The following ZNF493 variants were observed in gnomAD, a reference collection of about 807,000 sequenced individuals.
ZNF493 encodes zinc finger protein 493.
Under a neutral mutation model 12.2 loss-of-function variants are expected in ZNF493, and 11 were observed. That is an observed-to-expected ratio of 0.90 (90% CI 0.57 to 1.50). The LOEUF (loss-of-function observed/expected upper bound fraction) is 1.50. Ranked by LOEUF, ZNF493 falls within the 40% of genes most tolerant of loss-of-function variation. The pLI is 0.00. For synonymous variants in ZNF493, 286 were observed against 302.6 expected, an observed-to-expected ratio of 0.95 and a Z score of 0.57; for missense variants, 950 against 906.6, an observed-to-expected ratio of 1.05 and a Z score of -0.61.
chr19:21,410,105 T>C (rs902511111), intron 3 of ZNF493, among the ~76,000 whole-genome samples: 8 of 148,818 alleles, frequency 5.4e-5, no homozygotes, highest in African/African-American at 2.0e-4. Context: ...ACACTTTTGA[T>C]GTGTTTATAA....
At chr19:21,409,614 A>G (rs11673406) in intron 3 of ZNF493, among the ~76,000 whole-genome samples, 110,250 of 151,876 alleles carry the variant, frequency 0.73, 40,046 homozygotes, top group Middle Eastern at 0.77. Context: ...GCGTGGTGGT[A>G]TGCACCTGTG....
intron 1 of ZNF493, among the ~76,000 whole-genome samples, chr19:21,403,703 T>C (rs1266060033): frequency 2.6e-5 from 4 of 152,218 alleles, no homozygotes; most frequent in Non-Finnish European, 5.9e-5. Context: ...CTGTGTCCAC[T>C]CTGCCTCCTG....
intron 1 of ZNF493, among the ~76,000 whole-genome samples, chr19:21,400,169 T>G (rs1400597922): frequency 6.6e-6 from 1 of 152,224 alleles, no homozygotes; most frequent in South Asian, 2.1e-4. Context: ...CCCAGCACTT[T>G]GGGAGTCTGA....
rs1280446789 is a variant in ZNF493 at position 21,426,059 on chromosome 19, GTTC to G, written c.*1078_*1080del. ...TGGCAAAGGCTTTAACTAGTCCTCA[GTTC>G]TTAACACACATACGATAATTCTTAC... On this transcript the variant is annotated 3_prime_UTR_variant, in exon 4 of 4. Coordinates refer to ENST00000392288, the MANE Select transcript of ZNF493 (RefSeq NM_001076678.3). 4.0e-5 allele frequency: 16 copies of G among 398,194 alleles called. No homozygotes were observed. The highest frequency in any genetic ancestry group is 7.5e-5 in the Non-Finnish European group (15 of 199,230). 24.7% of individuals were successfully genotyped at this position (398,194 alleles called of 1,614,324 possible). A position where few individuals can be genotyped will look rare whatever the true frequency, so the allele number is the denominator to read the frequency against.
chr19:21,414,465 A>G (rs933949007), intron 3 of ZNF493: 3 of 152,260 alleles, frequency 2.0e-5, no homozygotes, highest in East Asian at 1.9e-4. Flanking sequence ...GCAATCGGCC[A>G]TTTGATTCCC....
intron 3 of ZNF493, among the ~76,000 whole-genome samples, chr19:21,414,843 A>G (rs966877560): frequency 2.6e-5 from 4 of 152,204 alleles, no homozygotes; most frequent in African/African-American, 9.6e-5. Context: ...GTTTACATTT[A>G]GTTATTTTAG....
intron 3 of ZNF493, among the ~76,000 whole-genome samples, chr19:21,422,455 A>G (rs1238356006): frequency 2.1e-5 from 2 of 93,654 alleles, no homozygotes; most frequent in East Asian, 2.5e-4. Context: ...TTATTTATTT[A>G]TTTATTTTTA....
Position 21,425,471 on chromosome 19 carries a change from A to T in ZNF493, c.*487A>T. 6.6e-6 allele frequency: 3 copies of T among 456,210 alleles called. No homozygotes were observed. Among genetic ancestry groups the T allele is most frequent in the Non-Finnish European group, 8.6e-6 (2 of 233,320 alleles). The allele number at this position is 456,210 out of a possible 1,614,324, so 28.3% of individuals were successfully genotyped here. A position where few individuals can be genotyped will look rare whatever the true frequency, so the allele number is the denominator to read the frequency against. ...AAGAATGTGGCAAAGCTTTTAACAA[A>T]TCCTCATCCATTAGTAAACATAAGA... On this transcript the variant is annotated 3_prime_UTR_variant, in exon 4 of 4. Transcript: ENST00000392288.
intron 3 of ZNF493, among the ~76,000 whole-genome samples, chr19:21,411,072 G>C (rs2030309724): frequency 6.6e-6 from 1 of 152,116 alleles, no homozygotes; most frequent in South Asian, 2.1e-4. Context: ...TTACAGACAT[G>C]AGCCACCACC....
chr19:21,406,018 C>T (rs867477532), intron 3 of ZNF493, among the ~76,000 whole-genome samples, 162 bp downstream of exon 3: 4 of 150,996 alleles, frequency 2.6e-5, no homozygotes, highest in African/African-American at 4.9e-5. Context: ...CTCAGGAGTT[C>T]GAGACCAGAC....
At chr19:21,422,792 C>T in intron 3 of ZNF493, 121 bp from the exon 4 acceptor site, 2 of 820,748 alleles carry the variant, frequency 2.4e-6, no homozygotes, top group South Asian at 2.8e-5. Flanking sequence ...GAATTAGAGC[C>T]TTTGGTATTT....
At chr19:21,414,366 G>T (rs1293898107) in intron 3 of ZNF493, 1 of 152,202 alleles carries the variant, frequency 6.6e-6, no homozygotes, top group African/African-American at 2.4e-5. Flanking sequence ...TTCTTTCCAG[G>T]TAATGCTGTA....
At chr19:21,420,869 A>C (rs1437457782) in intron 3 of ZNF493, among the ~76,000 whole-genome samples, 1 of 149,128 alleles carries the variant, frequency 6.7e-6, no homozygotes, top group East Asian at 2.0e-4. Flanking sequence ...CTCCTGCCTC[A>C]GCCCCCCGAG....
chr19:21,405,841 G>T lies in ZNF493; in HGVS notation c.238G>T (p.Val80Leu). 6.5e-7 allele frequency: 1 copy of T among 1,531,650 alleles called. No individual in the cohort carries two copies. The highest frequency in any genetic ancestry group is 1.4e-5 in the African/African-American group (1 of 71,058). The allele number at this position is 1,531,650 out of a possible 1,614,324, so 94.9% of individuals were successfully genotyped here. A position where few individuals can be genotyped will look rare whatever the true frequency, so the allele number is the denominator to read the frequency against. ...DPWNMKGHSTVVKPPVICSHF... is the reference protein window; with the variant it reads ...DPWNMKGHSTLVKPPVICSHF... Reference sequence around the variant, plus strand: ...CTGGAATATGAAGGGACACAGTACGGTAGTCAAACCCCCAGGTAGGTGAGA... The same window carrying T: ...CTGGAATATGAAGGGACACAGTACGTTAGTCAAACCCCCAGGTAGGTGAGA... Residue 80 changes from valine (V) to leucine (L), a missense_variant, in exon 3 of 4, where the codon GTA becomes TTA. By Grantham distance (32) the Val-to-Leu change is conservative. Transcript: ENST00000392288.
chr19:21,409,048 C>A (rs1458985399), intron 3 of ZNF493, among the ~76,000 whole-genome samples: 1 of 151,832 alleles, frequency 6.6e-6, no homozygotes, highest in Admixed American at 6.6e-5. Flanking sequence ...CCACGCCTGG[C>A]TAATTTTTTG....
intron 1 of ZNF493, among the ~76,000 whole-genome samples, chr19:21,401,527 G>C (rs2029942693): frequency 6.6e-6 from 1 of 151,960 alleles, no homozygotes; most frequent in Non-Finnish European, 1.5e-5. Context: ...TAGTAGGAGT[G>C]GTACCAGCTC....
At chr19:21,408,102 T>C (rs2030194173) in intron 3 of ZNF493, 12 of 982,290 alleles carry the variant, frequency 1.2e-5, no homozygotes, top group Non-Finnish European at 9.6e-6. Context: ...GCTTGGGTAG[T>C]TGTACTTCCC....
At chr19:21,407,056 G>T (rs968885965) in intron 3 of ZNF493, among the ~76,000 whole-genome samples, 1 of 151,728 alleles carries the variant, frequency 6.6e-6, no homozygotes, top group African/African-American at 2.4e-5. Context: ...TTTTTAAAAA[G>T]ATTGCTTTCT....
chr19:21,399,939 T>A (rs754985344), intron 1 of ZNF493, among the ~76,000 whole-genome samples: 37 of 152,322 alleles, frequency 2.4e-4, no homozygotes, highest in Non-Finnish European at 4.9e-4. Context: ...TCTGTTCAAA[T>A]CCTGTTATCT....
Sources: gnomAD v4.1 joint callset for allele counts (sites outside exome capture counted in the v4.1 genomes callset) on GRCh38, gnomAD v4.1.1 for gene constraint, MANE v1.5 for transcripts, NCBI Gene and HGNC (gene_info 2026-07-23, HGNC 2026-07-21) for gene names.